Variants in PITPNB observed in about 807,000 individuals in gnomAD.
PITPNB encodes phosphatidylinositol transfer protein beta isoform.
PITPNB carries 16 observed loss-of-function variants against 45.9 expected under a neutral mutation model. That is an observed-to-expected ratio of 0.35 (90% CI 0.24 to 0.53). The LOEUF (loss-of-function observed/expected upper bound fraction) is 0.53. Ranked by LOEUF, PITPNB falls within the 20% of genes least tolerant of loss-of-function variation. The probability of loss-of-function intolerance (pLI) is 0.93; values close to 1 mark genes in which losing one functional copy is unlikely to be tolerated. For missense variants in PITPNB, 188 were observed against 330.5 expected (o/e 0.57, Z 3.34); for synonymous variants, 112 against 108.9 (o/e 1.03, Z -0.18).
At position 27,914,325 on chromosome 22, in the gene PITPNB, C is replaced by T. The variant is rs1408843558; in HGVS notation, c.43G>A (p.Val15Ile). ...AAGCAAGAAAAACTCACCTCCTGAA[C>T]AGAACATGGCAAAACCACACGGCTA... ...KEFRVVLPCSVQEYQVGQLYS... is the reference protein window; with the variant it reads ...KEFRVVLPCSIQEYQVGQLYS... Residue 15 changes from valine to isoleucine, a missense_variant, in exon 2 of 12, where the codon GTT becomes ATT. Physicochemically the swap from Val to Ile is conservative, Grantham distance 29 (BLOSUM62 3). Transcript: ENST00000335272. 5.0e-6 allele frequency: 8 copies of T among 1,594,718 alleles called. No individual in the cohort carries two copies. The highest frequency in any genetic ancestry group is 6.9e-6 in the Non-Finnish European group (8 of 1,163,522).
intron 7 of PITPNB, among the ~76,000 whole-genome samples, chr22:27,880,488 C>T (rs1934938151): frequency 6.6e-6 from 1 of 152,124 alleles, no homozygotes; most frequent in Non-Finnish European, 1.5e-5. Flanking sequence ...AGAGCAAATC[C>T]TATTCACACC....
At chr22:27,893,079 G>A (rs1056133410) in intron 7 of PITPNB, among the ~76,000 whole-genome samples, 3 of 152,172 alleles carry the variant, frequency 2.0e-5, no homozygotes, top group Admixed American at 2.0e-4. Flanking sequence ...GGAAAGGGAC[G>A]CCTACTGAAC....
intron 3 of PITPNB, among the ~76,000 whole-genome samples, chr22:27,902,043 C>T (rs1935609587): frequency 6.6e-6 from 1 of 151,830 alleles, no homozygotes; most frequent in South Asian, 2.1e-4. Flanking sequence ...AACTTATTTC[C>T]AGGGATGGAG....
intron 8 of PITPNB, among the ~76,000 whole-genome samples, chr22:27,863,837 T>C (rs891904024): frequency 6.6e-6 from 1 of 152,238 alleles, no homozygotes; most frequent in Non-Finnish European, 1.5e-5. Flanking sequence ...TCTCACATTC[T>C]TTCTAGTGAC....
chr22:27,873,841 C>A (rs1334522341), intron 7 of PITPNB, 26 bp from the exon 8 acceptor site: 4 of 1,501,436 alleles, frequency 2.7e-6, no homozygotes, highest in Non-Finnish European at 3.7e-6. Flanking sequence ...AAGTCAGAGG[C>A]AGAGAAGAAA....
intron 3 of PITPNB, among the ~76,000 whole-genome samples, chr22:27,902,889 T>C (rs1935642152): frequency 6.6e-6 from 1 of 152,132 alleles, no homozygotes; most frequent in South Asian, 2.1e-4. Flanking sequence ...TGGGCTAATT[T>C]TTAAATTTTT....
chr22:27,855,366 G>A (rs1934141816), intron 10 of PITPNB, among the ~76,000 whole-genome samples: 1 of 152,142 alleles, frequency 6.6e-6, no homozygotes, highest in East Asian at 1.9e-4. Flanking sequence ...TCCTTTAAAG[G>A]AAGTTTACTG....
intron 7 of PITPNB, 38 bp from the exon 8 acceptor site, chr22:27,873,853 C>T (rs1323337689): frequency 7.4e-7 from 1 of 1,360,520 alleles, no homozygotes; most frequent in South Asian, 1.2e-5. Context: ...GAGAAGAAAA[C>T]CAGAGAATAT....
chr22:27,863,378 C>G (rs571296545), intron 8 of PITPNB, among the ~76,000 whole-genome samples: 2 of 152,296 alleles, frequency 1.3e-5, no homozygotes, highest in East Asian at 3.9e-4. Context: ...AGGTGGTAAA[C>G]ATTACATATC....
At chr22:27,892,584 T>C (rs1817035155) in intron 7 of PITPNB, among the ~76,000 whole-genome samples, 1 of 152,192 alleles carries the variant, frequency 6.6e-6, no homozygotes, top group African/African-American at 2.4e-5. Context: ...TAAGCTGTCC[T>C]GACCTAGTCA....
chr22:27,890,526 C>T (rs965343077), intron 7 of PITPNB, among the ~76,000 whole-genome samples: 2 of 151,992 alleles, frequency 1.3e-5, no homozygotes, highest in African/African-American at 2.4e-5. Flanking sequence ...AACAGATGAA[C>T]GTATGAAGCT....
At chr22:27,876,913 A>G (rs1389253864) in intron 7 of PITPNB, among the ~76,000 whole-genome samples, 1 of 152,194 alleles carries the variant, frequency 6.6e-6, no homozygotes, top group East Asian at 1.9e-4. Flanking sequence ...CCCTTGGCTC[A>G]TGGTTTATTG....
In PITPNB at chr22:27,911,114, A is replaced by G; in HGVS notation, c.52-5T>C. ...GTAAAGCTGCCCAACCTGATACTGA[A>G]ATTTCAAAGAATACAGAAACTGAGT... is the stretch of plus-strand genomic sequence containing the variant. On this transcript the variant is annotated splice_polypyrimidine_tract_variant and splice_region_variant and intron_variant, in intron 2 of 11. Transcript: ENST00000335272. 1 of 1,609,842 alleles carries G rather than the reference A, an allele frequency of 6.2e-7. No individual in the cohort carries two copies. Among genetic ancestry groups the G allele is most frequent in the Non-Finnish European group, 8.5e-7 (1 of 1,176,370 alleles).
chr22:27,915,030 A>G (rs1434766213), intron 1 of PITPNB, among the ~76,000 whole-genome samples: 5 of 152,240 alleles, frequency 3.3e-5, no homozygotes, highest in Non-Finnish European at 7.3e-5. Flanking sequence ...AGCAGTCTTA[A>G]AAGATAAAAT....
intron 1 of PITPNB, among the ~76,000 whole-genome samples, chr22:27,917,828 A>G (rs901788067): frequency 6.6e-6 from 1 of 152,200 alleles, no homozygotes; most frequent in Non-Finnish European, 1.5e-5. Context: ...GATGGTGATA[A>G]GTACTATGGA....
chr22:27,871,452 G>A (rs1934656562), intron 8 of PITPNB, among the ~76,000 whole-genome samples: 1 of 152,156 alleles, frequency 6.6e-6, no homozygotes, highest in South Asian at 2.1e-4. Context: ...TTGTCAGCTA[G>A]AGCTACTACT....
chr22:27,909,950 CTTTTT>C (rs544649700), intron 3 of PITPNB, among the ~76,000 whole-genome samples: 5 of 130,316 alleles, frequency 3.8e-5, no homozygotes, highest in East Asian at 2.2e-4. Context: ...CCACTAATTT[CTTTTT>C]TTTTTTTTTT....
intron 7 of PITPNB, 89 bp downstream of exon 7, chr22:27,894,466 A>G (rs905280370): frequency 1.3e-6 from 1 of 755,516 alleles, no homozygotes; most frequent in East Asian, 2.5e-5. Context: ...AAAGGAAATA[A>G]TTTTTTTAAC....
At chr22:27,861,279 C>G (rs1934324175) in intron 8 of PITPNB, among the ~76,000 whole-genome samples, 1 of 151,828 alleles carries the variant, frequency 6.6e-6, no homozygotes, top group South Asian at 2.1e-4. Context: ...CCAGCCTGGG[C>G]TACAGGGCAA....
Sources: gnomAD v4.1 joint callset for allele counts (sites outside exome capture counted in the v4.1 genomes callset) on GRCh38, gnomAD v4.1.1 for gene constraint, MANE v1.5 for transcripts, NCBI Gene and HGNC (gene_info 2026-07-23, HGNC 2026-07-21) for gene names.